The following DVL3 variants were observed in gnomAD, a reference collection of about 807,000 sequenced individuals.
The protein encoded by DVL3 is segment polarity protein dishevelled homolog DVL-3.
In DVL3, 27 loss-of-function variants were observed where a neutral mutation model predicts 67.4. That is an observed-to-expected ratio of 0.40 (90% CI 0.30 to 0.55). The LOEUF (loss-of-function observed/expected upper bound fraction) is 0.55. Ranked by LOEUF, DVL3 falls within the 20% of genes least tolerant of loss-of-function variation. The pLI, the probability that DVL3 is intolerant of heterozygous loss-of-function variation, is 0.46. For missense variants in DVL3, 819 were observed against 1,021.5 expected, an observed-to-expected ratio of 0.80 and a Z score of 2.70; for synonymous variants, 369 against 396.8, an observed-to-expected ratio of 0.93 and a Z score of 0.83.
intron 13 of DVL3, 54 bp downstream of exon 13, chr3:184,168,119 A>G: frequency 6.3e-7 from 1 of 1,579,918 alleles, no homozygotes; most frequent in Non-Finnish European, 8.6e-7. Flanking sequence ...GTGGGGAGGT[A>G]GCCAGGGAAG....
chr3:184,171,149 A>C lies in DVL3; in HGVS notation c.*394A>C. ...CTCGTTTCCCCTTTAGCTCCCTTTC[A>C]CCATTTATTCAGCTACATCATCCCT... is the stretch of plus-strand genomic sequence containing the variant. On this transcript the variant is annotated 3_prime_UTR_variant, in exon 15 of 15. Transcript: ENST00000313143. 1.7e-6 allele frequency: 2 copies of C among 1,155,926 alleles called. No homozygotes were observed. Among genetic ancestry groups the C allele is most frequent in the Non-Finnish European group, 2.2e-6 (2 of 930,136 alleles). The allele number at this position is 1,155,926 out of a possible 1,614,324, so 71.6% of individuals were successfully genotyped here.
chr3:184,167,124 C>G lies in DVL3; in HGVS notation c.1198+149C>G, dbSNP rs1285848214. 6 of 988,840 alleles carry G rather than the reference C, an allele frequency of 6.1e-6. No homozygotes were observed. Among genetic ancestry groups the G allele is most frequent in the Middle Eastern group, 2.2e-4 (1 of 4,448 alleles). The allele number at this position is 988,840 out of a possible 1,614,324, so 61.3% of individuals were successfully genotyped here. On this transcript the variant is annotated intron_variant, in intron 11 of 14. Coordinates refer to ENST00000313143, the MANE Select transcript of DVL3 (RefSeq NM_004423.4). The surrounding 1 kb of genome is among the most constrained non-coding windows in gnomAD (Gnocchi z 4.6). ...CAGCAACCCCACACTGCAACTCCCC[C>G]ACAGCGGGCACTCCAACCCTCACTA...
intron 1 of DVL3, chr3:184,156,354 AT>A (rs1336664693): frequency 4.4e-6 from 2 of 456,544 alleles, no homozygotes; most frequent in Admixed American, 2.3e-5. Context: ...TCTGATGTTT[AT>A]CTAGCTGCCT....
chr3:184,162,179 AT>A (rs34375222), intron 1 of DVL3, among the ~76,000 whole-genome samples: 121 of 143,978 alleles, frequency 8.4e-4, no homozygotes, highest in Middle Eastern at 3.5e-3. Context: ...AATGACAGCA[AT>A]TTTTTTTTTT....
chr3:184,169,066 C>T (rs1170663889), intron 13 of DVL3, among the ~76,000 whole-genome samples: 1 of 152,090 alleles, frequency 6.6e-6, no homozygotes, highest in Non-Finnish European at 1.5e-5. Context: ...ATAATCAGGG[C>T]CAAGTACCTT....
In DVL3 at chr3:184,164,783, C is replaced by T. The variant is rs1714515452; in HGVS notation, c.464-13C>T. Reference sequence around the variant, plus strand: ...GGGCACTGTGTAAACCCAACTGCTTCCATCCCCTGCAGCAACCCGGCTAAA... The same window carrying T: ...GGGCACTGTGTAAACCCAACTGCTTTCATCCCCTGCAGCAACCCGGCTAAA... On this transcript the variant is annotated splice_polypyrimidine_tract_variant and intron_variant, in intron 4 of 14. Coordinates refer to ENST00000313143, the MANE Select transcript of DVL3 (RefSeq NM_004423.4). This position sits in a 1 kb window ranked among gnomAD's most constrained non-coding sequence, Gnocchi z 5.3. The T allele has an allele frequency of 1.2e-6, 2 of 1,614,154 alleles. No individual in the cohort carries two copies. Among genetic ancestry groups the T allele is most frequent in the Non-Finnish European group, 1.7e-6 (2 of 1,180,022 alleles).
Position 184,155,531 on chromosome 3 carries a change from C to A in DVL3, c.-105C>A. The A allele has an allele frequency of 1.4e-6, 1 of 726,904 alleles. No individual in the cohort carries two copies. Among genetic ancestry groups the A allele is most frequent in the Non-Finnish European group, 1.7e-6 (1 of 593,796 alleles). The allele number at this position is 726,904 out of a possible 1,614,324, so 45.0% of individuals were successfully genotyped here. A position where few individuals can be genotyped will look rare whatever the true frequency, so the allele number is the denominator to read the frequency against. ...GCTGGCGCCGCCAGCAGCCGCCGAG[C>A]TGGGTTGAGCCGCTGGGCCGCGCCG... On this transcript the variant is annotated 5_prime_UTR_variant, in exon 1 of 15. It adds an upstream start codon to the 5' untranslated region. Transcript: ENST00000313143. The surrounding 1 kb of genome is among the most constrained non-coding windows in gnomAD (Gnocchi z 5.4).
chr3:184,169,830 G>C (rs938205341), intron 13 of DVL3, among the ~76,000 whole-genome samples, 176 bp from the exon 14 acceptor site: 1 of 152,168 alleles, frequency 6.6e-6, no homozygotes. Context: ...GGGTCTCCCC[G>C]GGGCTGGCTC....
rs1486074305 is a variant in DVL3, at chr3:184,170,725, C to T, written c.2121C>T (p.Asn707=). 2 of 1,613,744 alleles carry T rather than the reference C, an allele frequency of 1.2e-6. No homozygotes were observed. The highest frequency in any genetic ancestry group is 1.7e-6 in the Non-Finnish European group (2 of 1,179,960). ...SRQSFRMAMG[N]PSEFFVDVM is the part of the protein sequence containing the mutation. Reference sequence around the variant, plus strand: ...AGTCCTTCCGCATGGCCATGGGAAACCCCAGTGAGTTCTTTGTGGATGTGA... The same window carrying T: ...AGTCCTTCCGCATGGCCATGGGAAATCCCAGTGAGTTCTTTGTGGATGTGA... The change falls in exon 15 of 15, where the codon AAC becomes AAT. Residue 707 remains asparagine (N), a synonymous_variant. Coordinates refer to ENST00000313143, the MANE Select transcript of DVL3 (RefSeq NM_004423.4). The surrounding 1 kb of genome is among the most constrained non-coding windows in gnomAD (Gnocchi z 6.5).
In DVL3 at chr3:184,170,943, C is replaced by G. The variant is rs1714813334; in HGVS notation, c.*188C>G. On this transcript the variant is annotated 3_prime_UTR_variant, in exon 15 of 15. Transcript: ENST00000313143. The surrounding 1 kb of genome is among the most constrained non-coding windows in gnomAD (Gnocchi z 6.5). ...ACCTACCGATTGGCTCTGCAGCCCC[C>G]TAACCTGCCTCTGGCCCCAGTTCGT... 1 of 1,534,584 alleles carries G rather than the reference C, an allele frequency of 6.5e-7. No homozygotes were observed. Among genetic ancestry groups the G allele is most frequent in the Non-Finnish European group, 8.7e-7 (1 of 1,143,396 alleles).
chr3:184,164,423 A>C lies in DVL3; in HGVS notation c.353+35A>C, dbSNP rs772372510. 3.9e-5 allele frequency: 62 copies of C among 1,608,688 alleles called. 1 individual carries two copies. In the Admixed American group the frequency reaches 1.0e-3, roughly 27 times the overall value. ...ACCTGAGGGTGGGGAGGGCCGCATC[A>C]GTTCAGCCCAGGGCTGGGGGAGGGA... On this transcript the variant is annotated intron_variant, in intron 3 of 14. Transcript: ENST00000313143. The surrounding 1 kb of genome is among the most constrained non-coding windows in gnomAD (Gnocchi z 5.3).
rs749656857 is a variant in DVL3, at chr3:184,164,788, C to T, written c.464-8C>T. The T allele has an allele frequency of 1.7e-5, 27 of 1,614,158 alleles. No individual in the cohort carries two copies. The highest frequency in any genetic ancestry group is 1.1e-4 in the South Asian group (10 of 91,082). ...CTGTGTAAACCCAACTGCTTCCATC[C>T]CCTGCAGCAACCCGGCTAAATGGAA... On this transcript the variant is annotated splice_polypyrimidine_tract_variant and splice_region_variant and intron_variant, in intron 4 of 14. Transcript: ENST00000313143. The surrounding 1 kb of genome is among the most constrained non-coding windows in gnomAD (Gnocchi z 5.3).
Position 184,167,667 on chromosome 3 carries a change from G to A in DVL3, c.1286G>A (p.Arg429His). 4 of 1,613,852 alleles carry A rather than the reference G, an allele frequency of 2.5e-6. No homozygotes were observed. Among genetic ancestry groups the A allele is most frequent in the East Asian group, 2.2e-5 (1 of 44,882 alleles). The change falls in exon 12 of 15, where the codon CGT becomes CAT. Residue 429 changes from arginine (R) to histidine (H), a missense_variant. By Grantham distance (29) the Arg-to-His change is conservative. Coordinates refer to ENST00000313143, the MANE Select transcript of DVL3 (RefSeq NM_004423.4). The surrounding 1 kb of genome is among the most constrained non-coding windows in gnomAD (Gnocchi z 4.6). ...TCCCCTGAATCAGGGTTGGAGGTCC[G>A]TGACCGCATGTGGCTCAAGATTACC... is the stretch of plus-strand genomic sequence containing the variant. ...MASPESGLEV[R>H]DRMWLKITIP... is the part of the protein sequence containing the mutation.
intron 13 of DVL3, among the ~76,000 whole-genome samples, chr3:184,169,509 A>C (rs1714725917): frequency 6.6e-6 from 1 of 152,162 alleles, no homozygotes. Flanking sequence ...AGCCTGGCTA[A>C]CGTGGCAAAA....
At chr3:184,162,979 A>T (rs1452161911) in intron 1 of DVL3, among the ~76,000 whole-genome samples, 2 of 152,110 alleles carry the variant, frequency 1.3e-5, no homozygotes, top group Non-Finnish European at 2.9e-5. Context: ...GGACCCTCAG[A>T]CTGTCAAATA....
chr3:184,171,551 C>T lies in DVL3; in HGVS notation c.*796C>T, dbSNP rs567968151. On this transcript the variant is annotated 3_prime_UTR_variant, in exon 15 of 15. Transcript: ENST00000313143. ...TTTCTTTTTTCCTCCCCCAATTTAC[C>T]CTGGGCCTGGAGCAGCCAAGAATTT... 1.0e-6 allele frequency: 1 copy of T among 986,070 alleles called. No individual in the cohort carries two copies. Among genetic ancestry groups the T allele is most frequent in the African/African-American group, 1.7e-5 (1 of 57,386 alleles). 61.1% of individuals were successfully genotyped at this position (986,070 alleles called of 1,614,324 possible). A position where few individuals can be genotyped will look rare whatever the true frequency, so the allele number is the denominator to read the frequency against.
chr3:184,163,876 C>G lies in DVL3; in HGVS notation c.231+150C>G. On this transcript the variant is annotated intron_variant, in intron 2 of 14. Transcript: ENST00000313143. This position sits in a 1 kb window ranked among gnomAD's most constrained non-coding sequence, Gnocchi z 4.5. Reference sequence around the variant, plus strand: ...AATGAACTGCTTCTCACCCCAGATTCTGTAACCTTTGATGAAAAGTGAGAA... The same window carrying G: ...AATGAACTGCTTCTCACCCCAGATTGTGTAACCTTTGATGAAAAGTGAGAA... 5 of 707,056 alleles carry G rather than the reference C, an allele frequency of 7.1e-6. No homozygotes were observed. Among genetic ancestry groups the G allele is most frequent in the Non-Finnish European group, 1.2e-5 (5 of 417,218 alleles). The allele number at this position is 707,056 out of a possible 1,614,324, so 43.8% of individuals were successfully genotyped here.
chr3:184,162,091 A>G (rs1320882724), intron 1 of DVL3, among the ~76,000 whole-genome samples: 4 of 152,094 alleles, frequency 2.6e-5, no homozygotes, highest in Non-Finnish European at 5.9e-5. Context: ...GCCTTATAGC[A>G]TTGTTGTATT....
chr3:184,157,929 G>A (rs1057080644), intron 1 of DVL3, among the ~76,000 whole-genome samples: 25 of 152,250 alleles, frequency 1.6e-4, no homozygotes, highest in African/African-American at 5.3e-4. Context: ...TTTAACACAC[G>A]CCTTTTATGC....
Sources: gnomAD v4.1 joint callset for allele counts (sites outside exome capture counted in the v4.1 genomes callset) on GRCh38, gnomAD v4.1.1 for gene constraint, Gnocchi (gnomAD v3.1) non-coding constraint, MANE v1.5 for transcripts, NCBI Gene and HGNC (gene_info 2026-07-23, HGNC 2026-07-21) for gene names.